PTAFR: variants seen among roughly 807,000 people sequenced by gnomAD.
PTAFR encodes platelet-activating factor receptor.
A neutral mutation model predicts 14.7 loss-of-function variants in PTAFR; 8 were observed. That is an observed-to-expected ratio of 0.54 (90% confidence interval 0.32 to 0.98). PTAFR has a LOEUF of 0.98. Among genes scored for constraint, PTAFR ranks in the 50% least tolerant of loss-of-function variants. The probability of loss-of-function intolerance (pLI) is 0.04; values close to 1 mark genes in which losing one functional copy is unlikely to be tolerated. For synonymous variants in PTAFR, 156 were observed against 176.5 expected, an observed-to-expected ratio of 0.88 and a Z score of 0.92; for missense variants, 337 against 451.2, an observed-to-expected ratio of 0.75 and a Z score of 2.29.
intron 1 of PTAFR, among the ~76,000 whole-genome samples, chr1:28,163,895 A>C (rs920205772): frequency 6.6e-6 from 1 of 152,208 alleles, no homozygotes; most frequent in African/African-American, 2.4e-5. Flanking sequence ...GGCTCAGACC[A>C]CTCAGTTTAA....
intron 1 of PTAFR, among the ~76,000 whole-genome samples, chr1:28,186,656 G>A (rs1039148054): frequency 2.6e-5 from 4 of 152,098 alleles, no homozygotes; most frequent in South Asian, 2.1e-4. Flanking sequence ...GGGCGTAGTG[G>A]CACACACCTG....
At chr1:28,167,329 TACCAATG>T (rs1181018531) in intron 1 of PTAFR, among the ~76,000 whole-genome samples, 1 of 152,118 alleles carries the variant, frequency 6.6e-6, no homozygotes, top group Non-Finnish European at 1.5e-5. Context: ...AAAGACGATA[TACCAATG>T]ACCATAAACA....
At chr1:28,184,082 GTTTTTTTT>G (rs1165813776) in intron 1 of PTAFR, among the ~76,000 whole-genome samples, 4 of 82,406 alleles carry the variant, frequency 4.9e-5, no homozygotes, top group East Asian at 3.0e-4. Flanking sequence ...CCATTAGTCT[GTTTTTTTT>G]TTTTTTTTTT....
chr1:28,162,576 A>T (rs1385483293), intron 1 of PTAFR, among the ~76,000 whole-genome samples: 2 of 152,150 alleles, frequency 1.3e-5, no homozygotes, highest in Non-Finnish European at 2.9e-5. Context: ...CTGTCATCCC[A>T]GCAGTTTGGG....
At chr1:28,178,841 C>T (rs975718639), upstream of PTAFR, among the ~76,000 whole-genome samples, 4 of 152,082 alleles carry the variant, frequency 2.6e-5, no homozygotes, top group Non-Finnish European at 2.9e-5. Context: ...TCCACACTCA[C>T]GCACCGCACA....
chr1:28,159,055 A>C (rs1215078058), intron 1 of PTAFR, among the ~76,000 whole-genome samples: 1 of 152,202 alleles, frequency 6.6e-6, no homozygotes, highest in East Asian at 1.9e-4. Context: ...AGGAGGAAAC[A>C]AAGAGAACTG....
chr1:28,169,330 G>A (rs924898614), intron 1 of PTAFR, among the ~76,000 whole-genome samples: 2 of 151,378 alleles, frequency 1.3e-5, no homozygotes, highest in Non-Finnish European at 2.9e-5. Flanking sequence ...CCTAAGAGAC[G>A]ACAAATTTGA....
intron 1 of PTAFR, among the ~76,000 whole-genome samples, chr1:28,157,199 G>C (rs1646273859): frequency 6.6e-6 from 1 of 152,120 alleles, no homozygotes; most frequent in Admixed American, 6.5e-5. Flanking sequence ...GAGTGCAGTG[G>C]CACAATCTTG....
chr1:28,187,623 G>C (rs1297405868), intron 1 of PTAFR, among the ~76,000 whole-genome samples: 4 of 151,968 alleles, frequency 2.6e-5, no homozygotes, highest in Non-Finnish European at 5.9e-5. Flanking sequence ...TCCCACTTGA[G>C]CCTCCCGAGT....
intron 1 of PTAFR, among the ~76,000 whole-genome samples, chr1:28,159,826 C>CAA: frequency 1.6e-5 from 2 of 128,204 alleles, no homozygotes; most frequent in South Asian, 4.9e-4. Flanking sequence ...AACTCCGTCT[C>CAA]AAAAAAAAAA....
intron 1 of PTAFR, among the ~76,000 whole-genome samples, chr1:28,154,476 A>T (rs1646239411): frequency 6.6e-6 from 1 of 152,172 alleles, no homozygotes; most frequent in Non-Finnish European, 1.5e-5. Context: ...GTAGACAGAC[A>T]AAAGCAATTT....
chr1:28,166,603 G>A (rs531343823), intron 1 of PTAFR, among the ~76,000 whole-genome samples: 5 of 152,078 alleles, frequency 3.3e-5, no homozygotes, highest in Non-Finnish European at 5.9e-5. Flanking sequence ...CCAGGGAGGC[G>A]GAGGTTGCAG....
chr1:28,186,160 T>C (rs924354855), intron 1 of PTAFR, among the ~76,000 whole-genome samples: 6 of 152,046 alleles, frequency 3.9e-5, no homozygotes, highest in African/African-American at 1.4e-4. Flanking sequence ...TGTTTTGTTT[T>C]GTTTAGTAGA....
At chr1:28,181,479 G>A (rs2149006310), upstream of PTAFR, among the ~76,000 whole-genome samples, 1 of 152,286 alleles carries the variant, frequency 6.6e-6, no homozygotes, top group African/African-American at 2.4e-5. Flanking sequence ...GGGCGCGGTG[G>A]CTCACGCCTG....
chr1:28,163,551 C>T (rs1269257741), intron 1 of PTAFR, among the ~76,000 whole-genome samples: 1 of 152,228 alleles, frequency 6.6e-6, no homozygotes, highest in Non-Finnish European at 1.5e-5. Context: ...TCATACCTGG[C>T]TTACCATTTA....
At chr1:28,161,498 G>A (rs1241411944) in intron 1 of PTAFR, among the ~76,000 whole-genome samples, 1 of 152,108 alleles carries the variant, frequency 6.6e-6, no homozygotes, top group Admixed American at 6.6e-5. Context: ...TAGGGTAGAT[G>A]GCTTTTTTTT....
intron 1 of PTAFR, among the ~76,000 whole-genome samples, chr1:28,192,107 G>A (rs1282080137): frequency 6.6e-6 from 1 of 150,974 alleles, no homozygotes; most frequent in Non-Finnish European, 1.5e-5. Context: ...AAAAAAAAAA[G>A]GTGGACTCTG....
At chr1:28,190,419 T>G (rs1646642913) in intron 1 of PTAFR, among the ~76,000 whole-genome samples, 1 of 152,210 alleles carries the variant, frequency 6.6e-6, no homozygotes, top group Non-Finnish European at 1.5e-5. Flanking sequence ...CTATTACATC[T>G]GTAATATTTA....
chr1:28,167,118 A>G (rs2148999255), intron 1 of PTAFR, among the ~76,000 whole-genome samples: 1 of 152,324 alleles, frequency 6.6e-6, no homozygotes, highest in African/African-American at 2.4e-5. Flanking sequence ...TTTTTGGCAA[A>G]CTTTAAATAA....
Sources: gnomAD v4.1 joint callset for allele counts (sites outside exome capture counted in the v4.1 genomes callset) on GRCh38, gnomAD v4.1.1 for gene constraint, MANE v1.5 for transcripts, NCBI Gene and HGNC (gene_info 2026-07-23, HGNC 2026-07-21) for gene names.